Variants in CAST observed in about 807,000 individuals in gnomAD.
CAST encodes MIR583 host.
CAST carries 76 observed loss-of-function variants against 119.6 expected under a neutral mutation model. That is an observed-to-expected ratio of 0.64 (90% confidence interval 0.53 to 0.77). The LOEUF is 0.77. CAST is among the 30% of genes least tolerant of loss of function. The pLI is 0.00. For missense variants in CAST, 953 were observed against 946.5 expected, an observed-to-expected ratio of 1.01 and a Z score of -0.09; for synonymous variants, 319 against 331.6, an observed-to-expected ratio of 0.96 and a Z score of 0.41.
chr5:95,987,058 G>A, the CAST span, among the ~76,000 whole-genome samples: 11 of 152,138 alleles, frequency 7.2e-5, 1 homozygote, highest in East Asian at 1.9e-3. Flanking sequence ...CTGCCCTTGG[G>A]CTTCTGATTG....
chr5:96,538,739 CA>C, intron 1 of CAST, among the ~76,000 whole-genome samples: 1 of 71,918 alleles, frequency 1.4e-5, no homozygotes, highest in South Asian at 5.3e-4. Context: ...AAGACCCCCC[CA>C]CACACACACC....
At chr5:96,768,327 G>C in intron 29 of CAST, 1 of 419,522 alleles carries the variant, frequency 2.4e-6, no homozygotes, top group Non-Finnish European at 4.6e-6. Context: ...CAAGTGATCT[G>C]CCAACCTCTA....
chr5:96,571,367 C>T (rs1332843355), intron 1 of CAST, among the ~76,000 whole-genome samples: 1 of 152,162 alleles, frequency 6.6e-6, no homozygotes, highest in African/African-American at 2.4e-5. Context: ...ACTGCTCCAC[C>T]CTTCCTCACA....
the CAST span, among the ~76,000 whole-genome samples, chr5:96,130,690 A>G: frequency 3.0e-4 from 46 of 152,206 alleles, no homozygotes; most frequent in African/African-American, 9.9e-4. Context: ...TTACAAATCG[A>G]AAAGAGAAAA....
chr5:96,184,002 C>T, the CAST span, among the ~76,000 whole-genome samples: 1 of 152,034 alleles, frequency 6.6e-6, no homozygotes, highest in Non-Finnish European at 1.5e-5. Context: ...TCATATTTTC[C>T]AAAGAAAAAT....
At chr5:96,567,865 G>A (rs560276632) in intron 1 of CAST, among the ~76,000 whole-genome samples, 1 of 152,312 alleles carries the variant, frequency 6.6e-6, no homozygotes, top group South Asian at 2.1e-4. Context: ...TTCAGAACCA[G>A]ACAATGTTCA....
chr5:96,554,734 C>A (rs7711624), intron 1 of CAST, among the ~76,000 whole-genome samples: 1 of 152,026 alleles, frequency 6.6e-6, no homozygotes, highest in Non-Finnish European at 1.5e-5. Context: ...CAACAAAAAA[C>A]GGGCAAAGGA....
At chr5:96,400,202 C>T in the CAST span, 2 of 1,564,384 alleles carry the variant, frequency 1.3e-6, no homozygotes, top group Non-Finnish European at 1.8e-6. Flanking sequence ...GGGGAAGTGA[C>T]CCAAAGTGTC....
the CAST span, among the ~76,000 whole-genome samples, chr5:96,049,566 T>G: frequency 6.6e-6 from 1 of 152,190 alleles, no homozygotes; most frequent in Non-Finnish European, 1.5e-5. Context: ...GTTGCCTTAC[T>G]TCTCAGGGAT....
the CAST span, among the ~76,000 whole-genome samples, chr5:96,363,660 G>T: frequency 6.6e-6 from 1 of 152,158 alleles, no homozygotes; most frequent in Non-Finnish European, 1.5e-5. Flanking sequence ...GTATAAGAAT[G>T]CTTGTGATTT....
intron 27 of CAST, 145 bp from the exon 28 acceptor site, chr5:96,767,293 T>C: frequency 1.6e-6 from 1 of 606,186 alleles, no homozygotes; most frequent in Middle Eastern, 2.9e-4. Flanking sequence ...AAAGAAATAG[T>C]GGGGACTCAG....
chr5:96,185,731 A>G, the CAST span, among the ~76,000 whole-genome samples: 1 of 152,144 alleles, frequency 6.6e-6, no homozygotes, highest in African/African-American at 2.4e-5. Flanking sequence ...TACCAGTGCC[A>G]TGCTGTTTTG....
At chr5:96,278,154 G>T in the CAST span, among the ~76,000 whole-genome samples, 2 of 152,096 alleles carry the variant, frequency 1.3e-5, no homozygotes, top group African/African-American at 4.8e-5. Flanking sequence ...AGTCAGTAAG[G>T]TTAGGGATGA....
chr5:96,242,878 G>T, the CAST span, among the ~76,000 whole-genome samples: 4 of 152,146 alleles, frequency 2.6e-5, no homozygotes, highest in African/African-American at 9.7e-5. Context: ...GAGCCTAAGG[G>T]ATACTAACTG....
At chr5:96,088,783 C>G in the CAST span, among the ~76,000 whole-genome samples, 1 of 152,010 alleles carries the variant, frequency 6.6e-6, no homozygotes, top group Non-Finnish European at 1.5e-5. Flanking sequence ...GATCCTTTTC[C>G]CCGAGAAACA....
chr5:96,689,329 C>G (rs910078342), intron 2 of CAST, among the ~76,000 whole-genome samples: 1 of 152,178 alleles, frequency 6.6e-6, no homozygotes, highest in Non-Finnish European at 1.5e-5. Context: ...TTGCTGATGT[C>G]TGAAATTCTA....
At chr5:95,970,830 T>C in the CAST span, among the ~76,000 whole-genome samples, 4 of 152,332 alleles carry the variant, frequency 2.6e-5, no homozygotes, top group East Asian at 5.8e-4. Flanking sequence ...TATAAAATGA[T>C]TCTGGATAAT....
At chr5:96,394,840 T>A in the CAST span, 1 of 1,612,148 alleles carries the variant, frequency 6.2e-7, no homozygotes, top group Non-Finnish European at 8.5e-7. Context: ...AAAGAGAGCA[T>A]GCCAAGAACA....
At chr5:96,111,823 G>A in the CAST span, among the ~76,000 whole-genome samples, 3 of 151,978 alleles carry the variant, frequency 2.0e-5, no homozygotes, top group Non-Finnish European at 4.4e-5. Context: ...ATTTATTTTT[G>A]TAAGTAAATA....
Sources: allele counts gnomAD v4.1 joint callset (sites outside exome capture counted in the v4.1 genomes callset), GRCh38; gene constraint gnomAD v4.1.1; transcripts MANE v1.5; gene names NCBI Gene and HGNC (gene_info 2026-07-23, HGNC 2026-07-21).